The following PRP4K variants were observed in gnomAD, a reference collection of about 807,000 sequenced individuals.
The protein encoded by PRP4K is serine/threonine-protein kinase PRP4 homolog.
At chr6:4,047,316 T>C in the PRP4K span, 7 of 1,227,224 alleles carry the variant, frequency 5.7e-6, no homozygotes, top group African/African-American at 6.1e-5. Context: ...TATATACATA[T>C]AGAGAAAGAA....
At chr6:4,028,751 T>C in the PRP4K span, among the ~76,000 whole-genome samples, 1 of 152,192 alleles carries the variant, frequency 6.6e-6, no homozygotes, top group Non-Finnish European at 1.5e-5. Flanking sequence ...TCTTTGAGTA[T>C]GGTACCCTGT....
At chr6:4,040,961 C>T in the PRP4K span, 2 of 1,571,482 alleles carry the variant, frequency 1.3e-6, no homozygotes, top group East Asian at 2.3e-5. Context: ...CTTTGTTTTT[C>T]CAGTTTAGAG....
the PRP4K span, among the ~76,000 whole-genome samples, chr6:4,031,405 T>G: frequency 6.6e-6 from 1 of 152,218 alleles, no homozygotes; most frequent in African/African-American, 2.4e-5. Flanking sequence ...AGACCTTCTT[T>G]GAAATAAAAT....
the PRP4K span, chr6:4,061,296 G>A: frequency 6.5e-6 from 1 of 152,884 alleles, no homozygotes; most frequent in African/African-American, 2.4e-5. Context: ...CTGTGGCATA[G>A]TTACAATTTC....
At chr6:4,043,205 G>A in the PRP4K span, among the ~76,000 whole-genome samples, 2 of 152,190 alleles carry the variant, frequency 1.3e-5, no homozygotes, top group Non-Finnish European at 2.9e-5. Context: ...AGTGTGCCAC[G>A]TTGGAGTGAA....
At chr6:4,041,064 T>C in the PRP4K span, 2 of 933,890 alleles carry the variant, frequency 2.1e-6, no homozygotes, top group African/African-American at 3.4e-5. Flanking sequence ...AAGTTAGTCT[T>C]TTGTGAATAT....
chr6:4,060,964 C>T, the PRP4K span: 4 of 254,134 alleles, frequency 1.6e-5, no homozygotes, highest in Non-Finnish European at 2.3e-5. This position sits in a 1 kb window ranked among gnomAD's most constrained non-coding sequence, Gnocchi z 4.7. Flanking sequence ...TCATTTTGGT[C>T]TTGAGATAAA....
chr6:4,056,720 AC>A, the PRP4K span: 1 of 1,526,116 alleles, frequency 6.6e-7, no homozygotes, highest in Admixed American at 1.7e-5. Flanking sequence ...ATTGTATGGG[AC>A]CTTTGTTTTT....
chr6:4,044,048 G>A, the PRP4K span: 5 of 1,598,426 alleles, frequency 3.1e-6, no homozygotes, highest in Non-Finnish European at 8.6e-7. Flanking sequence ...TCCTGGCGAC[G>A]CTTTTCTCTG....
At chr6:4,027,820 C>T in the PRP4K span, among the ~76,000 whole-genome samples, 8 of 152,194 alleles carry the variant, frequency 5.3e-5, no homozygotes, top group Admixed American at 6.5e-5. Context: ...TGCTTAACCA[C>T]TCAGCTGTCC....
At chr6:4,046,167 G>T in the PRP4K span, among the ~76,000 whole-genome samples, 1 of 152,194 alleles carries the variant, frequency 6.6e-6, no homozygotes, top group African/African-American at 2.4e-5. Flanking sequence ...AAGTGGGATT[G>T]CTGGGTCAGA....
At chr6:4,026,720 A>G in the PRP4K span, among the ~76,000 whole-genome samples, 1 of 152,268 alleles carries the variant, frequency 6.6e-6, no homozygotes, top group East Asian at 1.9e-4. Context: ...TTCTGCTCAT[A>G]TAGTGCTTAC....
At chr6:4,023,653 T>C in the PRP4K span, among the ~76,000 whole-genome samples, 3 of 152,262 alleles carry the variant, frequency 2.0e-5, no homozygotes, top group African/African-American at 7.2e-5. Context: ...CCAGAGGGAA[T>C]GTTTTAAGAC....
At chr6:4,051,842 A>G in the PRP4K span, 1 of 640,752 alleles carries the variant, frequency 1.6e-6, no homozygotes, top group South Asian at 3.0e-5. Context: ...TTAAAAATAT[A>G]CAGACTTCTC....
chr6:4,032,149 AAAC>A, the PRP4K span: 9 of 1,613,456 alleles, frequency 5.6e-6, no homozygotes, highest in Non-Finnish European at 7.6e-6. Flanking sequence ...GTTAAAGAGA[AAAC>A]AACTAGGAGC....
At chr6:4,024,977 A>G in the PRP4K span, among the ~76,000 whole-genome samples, 1 of 152,218 alleles carries the variant, frequency 6.6e-6, no homozygotes, top group African/African-American at 2.4e-5. Flanking sequence ...TGGGTTTTTT[A>G]AAAGGTAAAA....
chr6:4,022,462 T>G, the PRP4K span, among the ~76,000 whole-genome samples: 75 of 14,424 alleles, frequency 5.2e-3, no homozygotes, highest in African/African-American at 0.021. Context: ...CGTTTTTTTT[T>G]TTTGTTTTGT....
chr6:4,035,185 T>C, the PRP4K span, among the ~76,000 whole-genome samples: 12 of 149,222 alleles, frequency 8.0e-5, no homozygotes, highest in African/African-American at 2.7e-4. Context: ...GGTGTGATCT[T>C]GGCTCACTGC....
At chr6:4,042,549 A>G in the PRP4K span, 3 of 1,607,636 alleles carry the variant, frequency 1.9e-6, no homozygotes, top group Non-Finnish European at 2.5e-6. Context: ...AGAAGAATCC[A>G]AAGGCAGGCA....
Sources: allele counts gnomAD v4.1 joint callset (sites outside exome capture counted in the v4.1 genomes callset), GRCh38; gene constraint gnomAD v4.1.1; non-coding constraint Gnocchi (gnomAD v3.1); transcripts MANE v1.5; gene names NCBI Gene and HGNC (gene_info 2026-07-23, HGNC 2026-07-21).